Variants in CYFIP1 observed in about 807,000 individuals in gnomAD.
CYFIP1 encodes cytoplasmic FMR1-interacting protein 1.
CYFIP1 carries 58 observed loss-of-function variants against 163.5 expected under a neutral mutation model. That is an observed-to-expected ratio of 0.35 (90% CI 0.29 to 0.44). CYFIP1 has a LOEUF of 0.44. Ranked by LOEUF, CYFIP1 falls within the 20% of genes least tolerant of loss-of-function variation. The pLI is 1.00. For missense variants in CYFIP1, 1,338 were observed against 1,653.8 expected, an observed-to-expected ratio of 0.81 and a Z score of 3.31; for synonymous variants, 663 against 660.7, an observed-to-expected ratio of 1.00 and a Z score of -0.05.
chr15:22,948,018 C>T, intron 1 of CYFIP1: 1 of 983,962 alleles, frequency 1.0e-6, no homozygotes, highest in South Asian at 4.7e-5. Flanking sequence ...CCAGGGGCAG[C>T]TGAGCCACAT....
At chr15:22,965,508 G>A (rs900877521) in intron 1 of CYFIP1, among the ~76,000 whole-genome samples, 4 of 152,166 alleles carry the variant, frequency 2.6e-5, no homozygotes, top group East Asian at 1.9e-4. Context: ...ACAGGCGTGT[G>A]GCCTGGGAGC....
intron 24 of CYFIP1, among the ~76,000 whole-genome samples, chr15:22,882,203 T>C (rs1282549349): frequency 6.6e-6 from 1 of 152,198 alleles, no homozygotes; most frequent in East Asian, 1.9e-4. Flanking sequence ...GGGGAGAGCT[T>C]TGTCGCCAGG....
intron 10 of CYFIP1, among the ~76,000 whole-genome samples, chr15:22,933,349 C>G (rs2061600068): frequency 6.6e-6 from 1 of 150,382 alleles, no homozygotes; most frequent in Non-Finnish European, 1.5e-5. Context: ...GAGTCTTGCT[C>G]TGTCGCCCAG....
intron 5 of CYFIP1, 80 bp from the exon 6 acceptor site, chr15:22,943,434 G>T: frequency 6.9e-7 from 1 of 1,442,676 alleles, no homozygotes; most frequent in Non-Finnish European, 9.5e-7. Flanking sequence ...AGCACCTGCA[G>T]TCACTGCTCC....
At chr15:22,881,746 T>G in intron 25 of CYFIP1, 100 bp downstream of exon 25, 1 of 1,152,718 alleles carries the variant, frequency 8.7e-7, no homozygotes. Flanking sequence ...TACTGCCTCT[T>G]CCCACATGGC....
chr15:22,940,214 G>A (rs374053413), intron 6 of CYFIP1, among the ~76,000 whole-genome samples: 1 of 152,164 alleles, frequency 6.6e-6, no homozygotes, highest in Non-Finnish European at 1.5e-5. Flanking sequence ...AACCTTGGGG[G>A]TTTAGTTTTA....
At chr15:22,925,931 G>A (rs1296673926) in intron 13 of CYFIP1, 51 bp downstream of exon 13, 3 of 1,596,306 alleles carry the variant, frequency 1.9e-6, no homozygotes, top group Non-Finnish European at 1.7e-6. Flanking sequence ...CAGAGAAGAT[G>A]GTGTGAAGCT....
At chr15:22,930,990 A>G (rs1386340342) in intron 11 of CYFIP1, among the ~76,000 whole-genome samples, 1 of 152,180 alleles carries the variant, frequency 6.6e-6, no homozygotes, top group East Asian at 1.9e-4. Flanking sequence ...CTTGTCTGAC[A>G]TGCCCAAACG....
At chr15:22,887,226 C>T (rs2059949098) in intron 23 of CYFIP1, among the ~76,000 whole-genome samples, 1 of 152,086 alleles carries the variant, frequency 6.6e-6, no homozygotes, top group Admixed American at 6.6e-5. Context: ...TGTAGAGGGT[C>T]ATGAGACCCC....
At position 22,944,768 on chromosome 15, in the gene CYFIP1, G is replaced by A. The variant is rs1752719260; in HGVS notation, c.285+94C>T. 3.9e-6 allele frequency: 6 copies of A among 1,521,754 alleles called. No homozygotes were observed. The African/African-American group carries it at 5.5e-5, about 14-fold the overall frequency. The allele number at this position is 1,521,754 out of a possible 1,614,324, so 94.3% of individuals were successfully genotyped here. ...CCCTGCTGTGGGGTGAGAACTGGGA[G>A]GAGAGTGGGCCAGGCATGGCAGGGG... On this transcript the variant is annotated intron_variant, in intron 4 of 30. Transcript: ENST00000617928.
intron 29 of CYFIP1, 86 bp from the exon 30 acceptor site, chr15:22,873,058 A>C: frequency 6.9e-7 from 1 of 1,446,596 alleles, no homozygotes. Context: ...GTCAGTGACC[A>C]AGCCATCTGC....
chr15:22,942,704 C>T (rs1411564101), intron 6 of CYFIP1, among the ~76,000 whole-genome samples: 2 of 152,100 alleles, frequency 1.3e-5, no homozygotes, highest in Non-Finnish European at 2.9e-5. Flanking sequence ...TGACTGTGCA[C>T]GGGCCACGTC....
Position 22,886,137 on chromosome 15 carries a change from G to T in CYFIP1, c.2677-3126C>A, listed in dbSNP as rs145645022. ...GGAAGAACCCCTTATAAAACCATCAGATCTCGTGAGAACTCACTATCATGA... is the reference window on the plus strand; with the variant it reads ...GGAAGAACCCCTTATAAAACCATCATATCTCGTGAGAACTCACTATCATGA... On this transcript the variant is annotated intron_variant, in intron 23 of 30. Coordinates refer to ENST00000617928, the MANE Select transcript of CYFIP1 (RefSeq NM_014608.6). Among the ~76,000 whole-genome samples, 154 of 152,218 alleles carry T rather than the reference G, an allele frequency of 1.0e-3. 1 individual carries two copies. Among genetic ancestry groups the T allele is most frequent in the African/African-American group, 3.3e-3 (136 of 41,520 alleles).
At chr15:22,918,548 G>T in intron 14 of CYFIP1, 144 bp downstream of exon 14, 1 of 721,772 alleles carries the variant, frequency 1.4e-6, no homozygotes, top group Non-Finnish European at 2.1e-6. Flanking sequence ...ATTACTTTTA[G>T]AGGTAATTCA....
At chr15:22,968,877 T>C (rs906488478) in intron 1 of CYFIP1, among the ~76,000 whole-genome samples, 7 of 152,212 alleles carry the variant, frequency 4.6e-5, no homozygotes, top group Admixed American at 1.3e-4. Context: ...TAGGAACAGC[T>C]TGAGAAGTTG....
At chr15:22,970,465 A>C (rs1336977275) in intron 1 of CYFIP1, among the ~76,000 whole-genome samples, 1 of 152,232 alleles carries the variant, frequency 6.6e-6, no homozygotes, top group African/African-American at 2.4e-5. Flanking sequence ...AGGAATCTCC[A>C]AGGACCCAGA....
chr15:22,962,337 C>G (rs957768490), intron 1 of CYFIP1, among the ~76,000 whole-genome samples: 1 of 152,116 alleles, frequency 6.6e-6, no homozygotes, highest in Non-Finnish European at 1.5e-5. Flanking sequence ...CTCTGCACCC[C>G]CAGGCATCGA....
intron 25 of CYFIP1, among the ~76,000 whole-genome samples, chr15:22,880,847 TGGGGGC>T (rs2059741057): frequency 6.6e-6 from 1 of 151,688 alleles, no homozygotes; most frequent in South Asian, 2.1e-4. Context: ...TTGGCGGGGG[TGGGGGC>T]GGGGACGCTC....
chr15:22,905,443 T>C (rs2060537698), intron 21 of CYFIP1: 1 of 152,028 alleles, frequency 6.6e-6, no homozygotes, highest in Non-Finnish European at 1.5e-5. Context: ...CTCAAATCCT[T>C]TTTCTGCTTT....
Sources: allele counts gnomAD v4.1 joint callset (sites outside exome capture counted in the v4.1 genomes callset), GRCh38; gene constraint gnomAD v4.1.1; transcripts MANE v1.5; gene names NCBI Gene and HGNC (gene_info 2026-07-23, HGNC 2026-07-21).